Variants in RAB3IP observed in about 807,000 individuals in gnomAD.
The protein encoded by RAB3IP is rab-3A-interacting protein.
A neutral mutation model predicts 59.1 loss-of-function variants in RAB3IP; 36 were observed. The ratio of observed to expected loss-of-function variants is 0.61; its 90% CI spans 0.47 to 0.80. RAB3IP has a LOEUF of 0.80. Among genes scored for constraint, RAB3IP ranks in the 30% least tolerant of loss-of-function variants. RAB3IP has a pLI of 0.00. For synonymous variants in RAB3IP, 207 were observed against 191.2 expected (o/e 1.08, Z -0.68); for missense variants, 511 against 536.0 (o/e 0.95, Z 0.46).
chr12:69,766,524 TTTTC>T (rs1478603167), intron 3 of RAB3IP, among the ~76,000 whole-genome samples: 190 of 63,382 alleles, frequency 3.0e-3, no homozygotes, highest in Non-Finnish European at 5.5e-3. Flanking sequence ...TTTTCTTTTC[TTTTC>T]TTTTTTTTTT....
chr12:69,769,127 C>A (rs74101325), intron 3 of RAB3IP, among the ~76,000 whole-genome samples: 1 of 152,080 alleles, frequency 6.6e-6, no homozygotes, highest in Non-Finnish European at 1.5e-5. Context: ...CGCCTTCTGC[C>A]GTGATTGTAA....
chr12:69,761,155 A>G (rs1291730247), intron 3 of RAB3IP, among the ~76,000 whole-genome samples: 1 of 151,476 alleles, frequency 6.6e-6, no homozygotes, highest in Non-Finnish European at 1.5e-5. Context: ...CAAAGTCACT[A>G]CTCTTTTCTT....
At chr12:69,781,600 A>C (rs929774196) in intron 3 of RAB3IP, among the ~76,000 whole-genome samples, 3 of 152,132 alleles carry the variant, frequency 2.0e-5, no homozygotes, top group African/African-American at 7.2e-5. Context: ...CCTTTTCCAG[A>C]TTGTCATAGA....
chr12:69,802,768 C>CT (rs1208604602), intron 8 of RAB3IP, among the ~76,000 whole-genome samples: 1 of 152,186 alleles, frequency 6.6e-6, no homozygotes, highest in Non-Finnish European at 1.5e-5. Flanking sequence ...TTTCTATTCC[C>CT]TGTTACGCAC....
rs372311432 is a variant in RAB3IP at position 69,806,967 on chromosome 12, A to T, written c.1130+5246A>T. ...AGTCCAGAACAAAATGGAGTCTCCT[A>T]TGTCTACTTCTTTCTAGACAGACAC... On this transcript the variant is annotated intron_variant, in intron 8 of 10. Coordinates refer to ENST00000247833, the MANE Select transcript of RAB3IP (RefSeq NM_022456.5). 6.6e-5 allele frequency among the ~76,000 whole-genome samples: 10 copies of T among 152,302 alleles called. No individual in the cohort carries two copies. In the South Asian group the frequency reaches 1.7e-3, roughly 25 times the overall value.
At chr12:69,762,086 A>G (rs970863002) in intron 3 of RAB3IP, among the ~76,000 whole-genome samples, 3 of 152,206 alleles carry the variant, frequency 2.0e-5, no homozygotes, top group Non-Finnish European at 2.9e-5. Context: ...ACCTAGATGT[A>G]TGGTGGGCTG....
chr12:69,755,570 G>C lies in RAB3IP; in HGVS notation c.162G>C (p.Gln54His). Reference protein sequence around the residue: ...HPSALSSVPIQANALDVSELP... With the variant: ...HPSALSSVPIHANALDVSELP... ...CAGCTTTATCCTCTGTACCTATCCAGGCAAATGCATTAGATGTTTCTGAAC... is the reference window on the plus strand; with the variant it reads ...CAGCTTTATCCTCTGTACCTATCCACGCAAATGCATTAGATGTTTCTGAAC... The change falls in exon 2 of 11, where the codon CAG (glutamine) becomes CAC (histidine). Residue 54 changes from glutamine (Q) to histidine (H), a missense_variant. By Grantham distance (24) the Gln-to-His change is conservative (BLOSUM62 0). Coordinates refer to ENST00000247833, the MANE Select transcript of RAB3IP (RefSeq NM_022456.5). 1 of 1,613,774 alleles carries C rather than the reference G, an allele frequency of 6.2e-7. No homozygotes were observed. The highest frequency in any genetic ancestry group is 8.5e-7 in the Non-Finnish European group (1 of 1,179,958).
At chr12:69,747,251 A>G (rs1359813317) in intron 1 of RAB3IP, among the ~76,000 whole-genome samples, 1 of 150,624 alleles carries the variant, frequency 6.6e-6, no homozygotes, top group Non-Finnish European at 1.5e-5. Flanking sequence ...AATTCTCATG[A>G]CTACCTTAGG....
At chr12:69,759,625 C>A (rs1375427164) in intron 3 of RAB3IP, among the ~76,000 whole-genome samples, 23 of 149,698 alleles carry the variant, frequency 1.5e-4, no homozygotes, top group Admixed American at 5.3e-4. Flanking sequence ...CCCCACCTCC[C>A]TCCTGGACGG....
At position 69,780,990 on chromosome 12, in the gene RAB3IP, G is replaced by A. The variant is rs139946189; in HGVS notation, c.511-3730G>A. Among the ~76,000 whole-genome samples, 834 of 152,118 alleles carry A rather than the reference G, an allele frequency of 5.5e-3. 4 individuals carry two copies. Among genetic ancestry groups the A allele is most frequent in the African/African-American group, 0.019 (785 of 41,494 alleles). On this transcript the variant is annotated intron_variant, in intron 3 of 10. Transcript: ENST00000247833. ...TTTTAGTTACAAGTATTATCTTAAT[G>A]CCAATCACTGTGTTCATAAATGTAC...
intron 1 of RAB3IP, among the ~76,000 whole-genome samples, chr12:69,752,640 C>T (rs777310411): frequency 2.4e-4 from 36 of 152,126 alleles, no homozygotes; most frequent in Non-Finnish European, 4.4e-4. Context: ...AGGATTTGTA[C>T]TATTTTGTAT....
At chr12:69,798,867 T>C (rs1877940052) in intron 6 of RAB3IP, among the ~76,000 whole-genome samples, 1 of 152,168 alleles carries the variant, frequency 6.6e-6, no homozygotes, top group Non-Finnish European at 1.5e-5. Flanking sequence ...TGGGAACAAA[T>C]ACATTTGAGA....
rs1386119601 is a variant in RAB3IP at position 69,784,766 on chromosome 12, G to A, written c.557G>A (p.Arg186Gln). 13 of 1,609,618 alleles carry A rather than the reference G, an allele frequency of 8.1e-6. No homozygotes were observed. The highest frequency in any genetic ancestry group is 1.0e-5 in the Non-Finnish European group (12 of 1,177,496). Residue 186 changes from arginine (R) to glutamine (Q), a missense_variant, in exon 4 of 11, where the codon CGA becomes CAA. Physicochemically the swap from Arg to Gln is conservative, Grantham distance 43 (BLOSUM62 1). Transcript: ENST00000247833. ...DEECERLSKV[R>Q]DQLGQELEEL... ...GAATGTGAGAGGCTTTCAAAAGTGC[G>A]AGATCAACTTGGACAGGAATTGGAA...
At chr12:69,810,039 T>G (rs1293524867) in intron 8 of RAB3IP, among the ~76,000 whole-genome samples, 1 of 152,190 alleles carries the variant, frequency 6.6e-6, no homozygotes, top group Non-Finnish European at 1.5e-5. Flanking sequence ...TTATCTACCT[T>G]TGTTCTTTGA....
rs1355290598 is a variant in RAB3IP, at chr12:69,816,884, A to G, written c.*1438A>G. 6.6e-6 allele frequency: 1 copy of G among 152,240 alleles called. No homozygotes were observed. The highest frequency in any genetic ancestry group is 1.9e-4 in the East Asian group (1 of 5,206). The allele number at this position is 152,240 out of a possible 1,614,324, so 9.4% of individuals were successfully genotyped here. A position where few individuals can be genotyped will look rare whatever the true frequency, so the allele number is the denominator to read the frequency against. ...GCCACCAGGCTGGATGGGAGCCCACAGACAAAAGGACATTGGTGTATGTTA... is the reference window on the plus strand; with the variant it reads ...GCCACCAGGCTGGATGGGAGCCCACGGACAAAAGGACATTGGTGTATGTTA... On this transcript the variant is annotated 3_prime_UTR_variant, in exon 11 of 11. Transcript: ENST00000247833.
chr12:69,806,732 C>A (rs577664361), intron 8 of RAB3IP, among the ~76,000 whole-genome samples: 1 of 151,986 alleles, frequency 6.6e-6, no homozygotes, highest in Admixed American at 6.6e-5. Flanking sequence ...TGTGGCCTTC[C>A]GCAGTGTTTG....
chr12:69,799,009 C>T (rs1877961438), intron 6 of RAB3IP, among the ~76,000 whole-genome samples: 1 of 152,242 alleles, frequency 6.6e-6, no homozygotes. Context: ...TGTCCTTTTT[C>T]TCAGTAACTT....
At chr12:69,796,708 T>A (rs1344497197) in intron 6 of RAB3IP, 1 of 564,386 alleles carries the variant, frequency 1.8e-6, no homozygotes, top group Non-Finnish European at 3.2e-6. Context: ...CACATTGGTT[T>A]CTGTTAAATA....
chr12:69,798,326 T>C (rs1877852363), intron 6 of RAB3IP, among the ~76,000 whole-genome samples: 1 of 152,054 alleles, frequency 6.6e-6, no homozygotes. Context: ...TGTCTTCGTT[T>C]GAGAAGTGTC....
Sources: allele counts gnomAD v4.1 joint callset (sites outside exome capture counted in the v4.1 genomes callset), GRCh38; gene constraint gnomAD v4.1.1; transcripts MANE v1.5; gene names NCBI Gene and HGNC (gene_info 2026-07-23, HGNC 2026-07-21).